Variants in LNPEP observed in about 807,000 individuals in gnomAD.
The protein encoded by LNPEP is leucyl-cystinyl aminopeptidase.
In LNPEP, 64 loss-of-function variants were observed where a neutral mutation model predicts 120.6. The observed-to-expected ratio is 0.53, with a 90% CI of 0.43 to 0.65. LNPEP has a LOEUF of 0.65. Among genes scored for constraint, LNPEP ranks in the 30% least tolerant of loss-of-function variants. LNPEP has a pLI of 0.00. For missense variants in LNPEP, 1,057 were observed against 1,200.0 expected, an observed-to-expected ratio of 0.88 and a Z score of 1.76; for synonymous variants, 435 against 425.4, an observed-to-expected ratio of 1.02 and a Z score of -0.28.
At chr5:97,006,357 A>G (rs1035761786) in intron 10 of LNPEP, 70 bp from the exon 11 acceptor site, 1 of 1,246,000 alleles carries the variant, frequency 8.0e-7, no homozygotes, top group Non-Finnish European at 1.1e-6. Context: ...GGAATAGCTT[A>G]ACCTTCCTAC....
chr5:97,013,852 GA>G, intron 12 of LNPEP, 21 bp downstream of exon 12: 4 of 1,542,252 alleles, frequency 2.6e-6, no homozygotes, highest in Non-Finnish European at 3.5e-6. Flanking sequence ...CTTAGTTTGA[GA>G]TTTTTTCTTT....
intron 2 of LNPEP, among the ~76,000 whole-genome samples, chr5:96,983,691 C>T (rs569942696): frequency 6.6e-6 from 1 of 152,298 alleles, no homozygotes; most frequent in Admixed American, 6.5e-5. Flanking sequence ...AAGTGATCCG[C>T]CCACCTTGGC....
chr5:96,998,189 T>C, intron 8 of LNPEP, 44 bp downstream of exon 8: 1 of 1,370,740 alleles, frequency 7.3e-7, no homozygotes, highest in Non-Finnish European at 1.0e-6. Flanking sequence ...GTTTAAAATT[T>C]CGTATAATTT....
chr5:96,991,295 T>G (rs1790383636), intron 4 of LNPEP, among the ~76,000 whole-genome samples: 2 of 152,132 alleles, frequency 1.3e-5, no homozygotes, highest in Non-Finnish European at 2.9e-5. Context: ...ATATCACAAT[T>G]TATTTATCCA....
intron 13 of LNPEP, 36 bp downstream of exon 13, chr5:97,015,131 T>G (rs1791034014): frequency 1.4e-6 from 2 of 1,454,174 alleles, no homozygotes; most frequent in South Asian, 3.0e-5. Context: ...TTGCTGTTTA[T>G]CTTTAATATT....
At chr5:96,971,664 C>T (rs990353968) in intron 1 of LNPEP, among the ~76,000 whole-genome samples, 13 of 152,070 alleles carry the variant, frequency 8.5e-5, no homozygotes, top group African/African-American at 3.1e-4. Context: ...TTTGCTGTCT[C>T]CAATCTGCCA....
Position 97,006,059 on chromosome 5 carries a change from T to TAG in LNPEP, c.1786-13_1786-12insGA. ...AAGGAAAAAGTTTTATATATATATA[T>TAG]ATATATTTTGTAGGTCACAAACCAA... is the stretch of plus-strand genomic sequence containing the variant. On this transcript the variant is annotated splice_polypyrimidine_tract_variant and intron_variant, in intron 9 of 17. Coordinates refer to ENST00000231368, the MANE Select transcript of LNPEP (RefSeq NM_005575.3). 1 of 1,052,838 alleles carries TAG rather than the reference T, an allele frequency of 9.5e-7. No individual in the cohort carries two copies. The highest frequency in any genetic ancestry group is 1.3e-6 in the Non-Finnish European group (1 of 787,100). 65.2% of individuals were successfully genotyped at this position (1,052,838 alleles called of 1,614,324 possible). A position where few individuals can be genotyped will look rare whatever the true frequency, so the allele number is the denominator to read the frequency against.
At chr5:96,948,539 C>T (rs976595619) in intron 1 of LNPEP, among the ~76,000 whole-genome samples, 1 of 152,208 alleles carries the variant, frequency 6.6e-6, no homozygotes, top group Non-Finnish European at 1.5e-5. Flanking sequence ...AAGATGCCCT[C>T]CCAAATAGAT....
chr5:96,980,647 G>A (rs1790100322), intron 2 of LNPEP, among the ~76,000 whole-genome samples: 2 of 152,282 alleles, frequency 1.3e-5, no homozygotes, highest in Admixed American at 6.5e-5. Flanking sequence ...GGAAGATGGA[G>A]TTCACACAGT....
At chr5:96,957,293 C>T (rs574374040) in intron 1 of LNPEP, among the ~76,000 whole-genome samples, 1 of 152,330 alleles carries the variant, frequency 6.6e-6, no homozygotes, top group East Asian at 1.9e-4. Flanking sequence ...GACCTTAGTT[C>T]TGTTTCACCA....
At chr5:96,989,266 G>GAT (rs1335689158) in intron 4 of LNPEP, among the ~76,000 whole-genome samples, 1 of 135,726 alleles carries the variant, frequency 7.4e-6, no homozygotes, top group Non-Finnish European at 1.6e-5. Context: ...GTGTATATAT[G>GAT]ATATATATAT....
At chr5:96,968,477 G>A (rs192990403) in intron 1 of LNPEP, among the ~76,000 whole-genome samples, 1 of 152,114 alleles carries the variant, frequency 6.6e-6, no homozygotes, top group Admixed American at 6.6e-5. Flanking sequence ...AATATTTGTG[G>A]AAGTCTTCTG....
intron 4 of LNPEP, among the ~76,000 whole-genome samples, chr5:96,986,883 ATTTTAC>A (rs993175009): frequency 6.6e-6 from 1 of 152,314 alleles, no homozygotes; most frequent in South Asian, 2.1e-4. Context: ...GTTTTAAAAA[ATTTTAC>A]TTTTAAAGAG....
In LNPEP at chr5:96,998,003, T is replaced by G; in HGVS notation, c.1522-11T>G. The G allele has an allele frequency of 6.5e-7, 1 of 1,534,194 alleles. No individual in the cohort carries two copies. The highest frequency in any genetic ancestry group is 8.9e-7 in the Non-Finnish European group (1 of 1,127,156). ...TACTTGTGATATTCTAATCTTTTCA[T>G]TTTTTGACAGTATGAAGATTTCTTA... is the stretch of plus-strand genomic sequence containing the variant. On this transcript the variant is annotated splice_polypyrimidine_tract_variant and intron_variant, in intron 7 of 17. Coordinates refer to ENST00000231368, the MANE Select transcript of LNPEP (RefSeq NM_005575.3).
rs770343436 is a variant in LNPEP, at chr5:97,026,691, G to A, written c.2798G>A (p.Arg933Gln). 46 of 1,612,846 alleles carry A rather than the reference G, an allele frequency of 2.9e-5. No individual in the cohort carries two copies. The highest frequency in any genetic ancestry group is 3.6e-5 in the Non-Finnish European group (43 of 1,178,970). ...KLSFIIRTVG[R>Q]HFPGHLLAWD... ...TCTTTTATCATTAGAACAGTGGGTC[G>A]ACATTTTCCTGGACACTTACTGGCA... The change falls in exon 16 of 18, where the codon CGA becomes CAA. Residue 933 changes from arginine (R) to glutamine (Q), a missense_variant. Transcript: ENST00000231368.
At chr5:96,964,509 T>C (rs1462599686) in intron 1 of LNPEP, among the ~76,000 whole-genome samples, 5 of 152,256 alleles carry the variant, frequency 3.3e-5, no homozygotes, top group Non-Finnish European at 7.4e-5. Flanking sequence ...TTTCTATGTT[T>C]AAAATAGGTA....
chr5:97,010,380 G>A (rs1363046254), intron 11 of LNPEP: 6 of 984,538 alleles, frequency 6.1e-6, no homozygotes, highest in Non-Finnish European at 7.2e-6. Flanking sequence ...AAGAAGGAAG[G>A]GCATATAGTA....
At chr5:96,974,457 C>T (rs1479969544) in intron 1 of LNPEP, among the ~76,000 whole-genome samples, 2 of 152,130 alleles carry the variant, frequency 1.3e-5, no homozygotes, top group Non-Finnish European at 2.9e-5. Flanking sequence ...TTTCCCTCCC[C>T]TACTCCTTCA....
chr5:96,977,461 G>A (rs1393605920), intron 1 of LNPEP, among the ~76,000 whole-genome samples: 3 of 152,086 alleles, frequency 2.0e-5, no homozygotes, highest in Non-Finnish European at 4.4e-5. Flanking sequence ...ATGGTATTTA[G>A]TGCTGGCTGG....
Sources: gnomAD v4.1 joint callset for allele counts (sites outside exome capture counted in the v4.1 genomes callset) on GRCh38, gnomAD v4.1.1 for gene constraint, MANE v1.5 for transcripts, NCBI Gene and HGNC (gene_info 2026-07-23, HGNC 2026-07-21) for gene names.